Variants in COA7 observed in about 807,000 individuals in gnomAD.
The protein encoded by COA7 is Sel1 repeat containing 1.
In COA7, 12 loss-of-function variants were observed where a neutral mutation model predicts 21.0. That is an observed-to-expected ratio of 0.57 (90% confidence interval 0.37 to 0.92). The LOEUF (loss-of-function observed/expected upper bound fraction) is 0.92. Ranked by LOEUF, COA7 falls within the 40% of genes least tolerant of loss-of-function variation. The pLI, the probability that COA7 is intolerant of heterozygous loss-of-function variation, is 0.01. For missense variants in COA7, 240 were observed against 286.1 expected (o/e 0.84, Z 1.16); for synonymous variants, 95 against 107.4 (o/e 0.88, Z 0.72).
At chr1:52,692,937 G>A (rs943804384) in intron 1 of COA7, 70 bp from the exon 2 acceptor site, 30 of 1,560,252 alleles carry the variant, frequency 1.9e-5, no homozygotes, top group Non-Finnish European at 2.5e-5. Flanking sequence ...TTGGGGGTAG[G>A]GGGTGCCCAG....
Position 52,698,218 on chromosome 1 carries a change from C to G in COA7, c.106+3G>C. Reference sequence around the variant, plus strand: ...GTCGCCGGGCTGCGCTGGAGCCGCTCACCGTCCGGGTCCTTCTCGTGGTAG... The same window carrying G: ...GTCGCCGGGCTGCGCTGGAGCCGCTGACCGTCCGGGTCCTTCTCGTGGTAG... On this transcript the variant is annotated splice_donor_region_variant and intron_variant, in intron 1 of 2. Coordinates refer to ENST00000371538, the MANE Select transcript of COA7 (RefSeq NM_023077.3). 6.2e-7 allele frequency: 1 copy of G among 1,607,270 alleles called. No individual in the cohort carries two copies. The highest frequency in any genetic ancestry group is 8.5e-7 in the Non-Finnish European group (1 of 1,176,122).
chr1:52,688,301 T>G, intron 2 of COA7, 133 bp from the exon 3 acceptor site: 2 of 691,030 alleles, frequency 2.9e-6, no homozygotes, highest in Non-Finnish European at 2.4e-6. Flanking sequence ...TGGAGTGCAC[T>G]GGCATGATCA....
In COA7 at chr1:52,686,993, C is replaced by T. The variant is rs1644010678; in HGVS notation, c.*727G>A. 1 of 152,228 alleles carries T rather than the reference C, an allele frequency of 6.6e-6. No homozygotes were observed. The highest frequency in any genetic ancestry group is 1.5e-5 in the Non-Finnish European group (1 of 68,072). 9.4% of individuals were successfully genotyped at this position (152,228 alleles called of 1,614,324 possible). ...TGATGGGCAGTGCCAGGCGACTACACTGGAGGTGCTAATTTTTAACTGCCA... is the reference window on the plus strand; with the variant it reads ...TGATGGGCAGTGCCAGGCGACTACATTGGAGGTGCTAATTTTTAACTGCCA... On this transcript the variant is annotated 3_prime_UTR_variant, in exon 3 of 3. Transcript: ENST00000371538.
At position 52,698,337 on chromosome 1, in the gene COA7, G is replaced by C; in HGVS notation, c.-11C>G. On this transcript the variant is annotated 5_prime_UTR_variant, in exon 1 of 3. Transcript: ENST00000371538. ...CACCATGCCGGCCATGGTTCGCGCC[G>C]GCCCAAAGACGGTCACGTGAGCCGG... 1 of 1,603,876 alleles carries C rather than the reference G, an allele frequency of 6.2e-7. No homozygotes were observed. Among genetic ancestry groups the C allele is most frequent in the Non-Finnish European group, 8.5e-7 (1 of 1,175,492 alleles).
intron 1 of COA7, among the ~76,000 whole-genome samples, chr1:52,696,347 T>C (rs1298215057): frequency 6.6e-6 from 1 of 152,078 alleles, no homozygotes. Flanking sequence ...CTAATTTTTG[T>C]ATTTTTAGTA....
In COA7 at chr1:52,686,661, G is replaced by GATC. The variant is rs1644007656; in HGVS notation, c.*1058_*1059insGAT. The GATC allele has an allele frequency of 6.6e-6, 1 of 152,136 alleles. No homozygotes were observed. Among genetic ancestry groups the GATC allele is most frequent in the Non-Finnish European group, 1.5e-5 (1 of 68,098 alleles). The allele number at this position is 152,136 out of a possible 1,614,324, so 9.4% of individuals were successfully genotyped here. On this transcript the variant is annotated 3_prime_UTR_variant, in exon 3 of 3. Transcript: ENST00000371538. ...GATGGGGTTTCCCCGTGTTAGCCAG[G>GATC]ATGGTCATGATCTCCTGATCTCGTG...
intron 1 of COA7, among the ~76,000 whole-genome samples, chr1:52,693,306 G>A (rs78246668): frequency 0.02 from 3,017 of 151,992 alleles, 71 homozygotes; most frequent in East Asian, 0.14. Context: ...GGCCAGGCTC[G>A]GTAGCTCATG....
In COA7 at chr1:52,684,622, C is replaced by A. The variant is rs1161151919; in HGVS notation, c.*3098G>T. On this transcript the variant is annotated 3_prime_UTR_variant, in exon 3 of 3. Transcript: ENST00000371538. ...AGTAATTGATGAACCTACACTGACA[C>A]ATCATTATCACTCAAAGTCCACAGT... 6.6e-6 allele frequency: 1 copy of A among 152,176 alleles called. No individual in the cohort carries two copies. The highest frequency in any genetic ancestry group is 1.5e-5 in the Non-Finnish European group (1 of 68,050). The allele number at this position is 152,176 out of a possible 1,614,324, so 9.4% of individuals were successfully genotyped here.
chr1:52,691,054 G>C (rs1370688232), intron 2 of COA7, among the ~76,000 whole-genome samples: 2 of 151,798 alleles, frequency 1.3e-5, no homozygotes, highest in African/African-American at 4.8e-5. Context: ...GGTGAGCCGA[G>C]ATCATGCCAC....
At position 52,688,164 on chromosome 1, in the gene COA7, AC is replaced by A; in HGVS notation, c.251del (p.Gly84ValfsTer2). On this transcript the variant is annotated frameshift_variant, in exon 3 of 3. Transcript: ENST00000371538. LOFTEE classifies it high-confidence loss of function. ...CGGCAGCTTTCAGGTCCTGGGTCAG[AC>A]CACCTGAGAGGAAGGAAAGTAGGAA... Reference protein sequence around the residue: ...LGAYYVTGKGGLTQDLKAAAR... With the variant: ...LGAYYVTGKGXLTQDLKAAAR... 6.2e-7 allele frequency: 1 copy of A among 1,608,776 alleles called. No individual in the cohort carries two copies.
At chr1:52,695,162 C>T (rs747423637) in intron 1 of COA7, among the ~76,000 whole-genome samples, 2 of 151,992 alleles carry the variant, frequency 1.3e-5, no homozygotes, top group Non-Finnish European at 2.9e-5. Flanking sequence ...GGCTTGGTGG[C>T]GCACGCTTGT....
chr1:52,686,854 T>G lies in COA7; in HGVS notation c.*866A>C, dbSNP rs967269280. The G allele has an allele frequency of 6.6e-6, 1 of 152,216 alleles. No individual in the cohort carries two copies. Among genetic ancestry groups the G allele is most frequent in the Non-Finnish European group, 1.5e-5 (1 of 68,040 alleles). The allele number at this position is 152,216 out of a possible 1,614,324, so 9.4% of individuals were successfully genotyped here. A position where few individuals can be genotyped will look rare whatever the true frequency, so the allele number is the denominator to read the frequency against. ...ACAAACCGTAGGTCACTCAAAATTG[T>G]TCATTCACAGGGACAGTTAAAAAGG... On this transcript the variant is annotated 3_prime_UTR_variant, in exon 3 of 3. Coordinates refer to ENST00000371538, the MANE Select transcript of COA7 (RefSeq NM_023077.3).
intron 2 of COA7, among the ~76,000 whole-genome samples, chr1:52,688,986 T>C (rs1644025518): frequency 6.6e-6 from 1 of 152,078 alleles, no homozygotes; most frequent in Admixed American, 6.6e-5. Flanking sequence ...AAAATAACAA[T>C]ACAATTAAAA....
chr1:52,698,269 T>A lies in COA7; in HGVS notation c.58A>T (p.Met20Leu), dbSNP rs898108138. The A allele has an allele frequency of 2.5e-6, 4 of 1,612,998 alleles. No homozygotes were observed. Among genetic ancestry groups the A allele is most frequent in the Non-Finnish European group, 3.4e-6 (4 of 1,179,838 alleles). ...CAGTGGTAGTTGCACTCCACCTCCATGTTCTCCAAAAAGGACTTGACCTGC... is the reference window on the plus strand; with the variant it reads ...CAGTGGTAGTTGCACTCCACCTCCAAGTTCTCCAAAAAGGACTTGACCTGC... ...EEQVKSFLEN[M>L]EVECNYHCYH... is the part of the protein sequence containing the mutation. Residue 20 changes from methionine (M) to leucine (L), a missense_variant, in exon 1 of 3, where the codon ATG (methionine) becomes TTG (leucine). Physicochemically the swap from Met to Leu is conservative, Grantham distance 15. Around this residue, in one of 3 missense-constraint regions of COA7, gnomAD observed 71 missense variants for 54.7 expected, o/e 1.30. Coordinates refer to ENST00000371538, the MANE Select transcript of COA7 (RefSeq NM_023077.3).
At position 52,692,724 on chromosome 1, in the gene COA7, T is replaced by G; in HGVS notation, c.247+3A>C. Reference sequence around the variant, plus strand: ...AAGGACCCAAAAGGCAGGCCCTCCTTACCTTTTCCAGTCACATAGTAGGCC... The same window carrying G: ...AAGGACCCAAAAGGCAGGCCCTCCTGACCTTTTCCAGTCACATAGTAGGCC... On this transcript the variant is annotated splice_donor_region_variant and intron_variant, in intron 2 of 2. Transcript: ENST00000371538. 3.1e-6 allele frequency: 5 copies of G among 1,614,162 alleles called. No homozygotes were observed. The highest frequency in any genetic ancestry group is 4.2e-6 in the Non-Finnish European group (5 of 1,180,014).
chr1:52,697,255 A>T (rs1010304086), intron 1 of COA7, among the ~76,000 whole-genome samples: 4 of 152,206 alleles, frequency 2.6e-5, no homozygotes, highest in Non-Finnish European at 5.9e-5. Context: ...AATACAAAAA[A>T]TAAAAATAAA....
At chr1:52,691,281 G>A (rs1474593316) in intron 2 of COA7, among the ~76,000 whole-genome samples, 1 of 151,888 alleles carries the variant, frequency 6.6e-6, no homozygotes, top group African/African-American at 2.4e-5. Context: ...AAGCATGGGG[G>A]CACGTGCCTA....
chr1:52,693,395 TA>T (rs1644061605), intron 1 of COA7, among the ~76,000 whole-genome samples: 1 of 150,634 alleles, frequency 6.6e-6, no homozygotes, highest in Non-Finnish European at 1.5e-5. Context: ...CTGGACAGGG[TA>T]AAACCCTGTC....
Position 52,698,340 on chromosome 1 carries a change from C to T in COA7, c.-14G>A. The T allele has an allele frequency of 6.3e-7, 1 of 1,598,516 alleles. No homozygotes were observed. The highest frequency in any genetic ancestry group is 8.5e-7 in the Non-Finnish European group (1 of 1,171,084). ...CATGCCGGCCATGGTTCGCGCCGGCCCAAAGACGGTCACGTGAGCCGGCGG... is the reference window on the plus strand; with the variant it reads ...CATGCCGGCCATGGTTCGCGCCGGCTCAAAGACGGTCACGTGAGCCGGCGG... On this transcript the variant is annotated 5_prime_UTR_variant, in exon 1 of 3. Transcript: ENST00000371538.
Sources: gnomAD v4.1 joint callset for allele counts (sites outside exome capture counted in the v4.1 genomes callset) on GRCh38, gnomAD v4.1.1 for gene constraint, gnomAD v4.1.1 regional missense constraint, MANE v1.5 for transcripts, NCBI Gene and HGNC (gene_info 2026-07-23, HGNC 2026-07-21) for gene names.